LDLRAD4: variants seen among roughly 807,000 people sequenced by gnomAD.
LDLRAD4 encodes low-density lipoprotein receptor class A domain-containing protein 4.
In LDLRAD4, 5 loss-of-function variants were observed where a neutral mutation model predicts 17.0. That is an observed-to-expected ratio of 0.29 (90% CI 0.15 to 0.62). The LOEUF (loss-of-function observed/expected upper bound fraction) is 0.62. Among genes scored for constraint, LDLRAD4 ranks in the 20% least tolerant of loss-of-function variants. LDLRAD4 has a pLI of 0.84. For missense variants in LDLRAD4, 340 were observed against 424.7 expected (o/e 0.80, Z 1.75); for synonymous variants, 168 against 171.8 (o/e 0.98, Z 0.17).
chr18:13,522,311 A>G (rs1397709464), intron 3 of LDLRAD4: 2 of 152,280 alleles, frequency 1.3e-5, no homozygotes, highest in East Asian at 3.9e-4. Flanking sequence ...GGAACATTAT[A>G]CATGATTCTA....
At chr18:13,349,068 T>C (rs761608305) in intron 1 of LDLRAD4, among the ~76,000 whole-genome samples, 1 of 152,194 alleles carries the variant, frequency 6.6e-6, no homozygotes, top group Non-Finnish European at 1.5e-5. Flanking sequence ...CTCGGTGCGC[T>C]GCCCCCACTG....
chr18:13,389,367 A>G (rs1310324012), intron 2 of LDLRAD4, among the ~76,000 whole-genome samples: 1 of 151,916 alleles, frequency 6.6e-6, no homozygotes, highest in Non-Finnish European at 1.5e-5. Flanking sequence ...TCCCTCGTGG[A>G]TACCCCTCCC....
intron 1 of LDLRAD4, among the ~76,000 whole-genome samples, chr18:13,382,013 G>A (rs2085407682): frequency 6.6e-6 from 1 of 152,262 alleles, no homozygotes; most frequent in Non-Finnish European, 1.5e-5. Context: ...ACAGGCCGGG[G>A]CTCGGCCCTG....
At chr18:13,618,306 G>A (rs1404708652) in intron 3 of LDLRAD4, among the ~76,000 whole-genome samples, 1 of 152,240 alleles carries the variant, frequency 6.6e-6, no homozygotes, top group African/African-American at 2.4e-5. Context: ...CCCCCGGGAC[G>A]GAGTGGGGCT....
intron 2 of LDLRAD4, among the ~76,000 whole-genome samples, chr18:13,401,773 G>A (rs58497313): frequency 0.041 from 6,296 of 152,278 alleles, 428 homozygotes; most frequent in African/African-American, 0.14. Flanking sequence ...AGCTGGACCC[G>A]CCTTGGGGAC....
chr18:13,436,194 C>A (rs1386047287), intron 2 of LDLRAD4, among the ~76,000 whole-genome samples: 1 of 152,170 alleles, frequency 6.6e-6, no homozygotes, highest in East Asian at 1.9e-4. Flanking sequence ...TAAAATAGTT[C>A]ATGTCATAAG....
intron 1 of LDLRAD4, among the ~76,000 whole-genome samples, chr18:13,262,641 C>T (rs78439381): frequency 1.7e-4 from 5 of 30,006 alleles, no homozygotes; most frequent in Admixed American, 4.1e-4. Context: ...CGTGCGGCTC[C>T]GTGCGTTGGG....
At chr18:13,531,881 G>A (rs1297228737) in intron 3 of LDLRAD4, among the ~76,000 whole-genome samples, 1 of 152,178 alleles carries the variant, frequency 6.6e-6, no homozygotes, top group Non-Finnish European at 1.5e-5. Context: ...CGCTGAGGAT[G>A]CAGGGTGGCT....
intron 1 of LDLRAD4, among the ~76,000 whole-genome samples, chr18:13,258,363 C>A (rs979547858): frequency 1.3e-5 from 2 of 151,530 alleles, no homozygotes; most frequent in Non-Finnish European, 2.9e-5. Flanking sequence ...TCTACGAAAT[C>A]CTTTTTTTTT....
intron 3 of LDLRAD4, among the ~76,000 whole-genome samples, chr18:13,495,242 C>T (rs1446820660): frequency 1.3e-5 from 2 of 152,204 alleles, no homozygotes; most frequent in Non-Finnish European, 2.9e-5. Context: ...TGGCCTCGCT[C>T]CCTGCGTGGG....
At chr18:13,505,045 A>C (rs2093669221) in intron 3 of LDLRAD4, among the ~76,000 whole-genome samples, 1 of 152,186 alleles carries the variant, frequency 6.6e-6, no homozygotes, top group Non-Finnish European at 1.5e-5. Flanking sequence ...CATTGTCCCC[A>C]CACCAGACGA....
intron 3 of LDLRAD4, among the ~76,000 whole-genome samples, chr18:13,574,315 G>A (rs940701572): frequency 1.3e-5 from 2 of 152,162 alleles, no homozygotes; most frequent in African/African-American, 4.8e-5. Context: ...AGCCGGCCAT[G>A]GCAGCACTCT....
chr18:13,226,450 A>G (rs1392061889), intron 1 of LDLRAD4, among the ~76,000 whole-genome samples: 1 of 151,942 alleles, frequency 6.6e-6, no homozygotes, highest in East Asian at 1.9e-4. Context: ...TTAGATTCCC[A>G]CAGAGAAGAG....
At chr18:13,551,421 CAG>C (rs1404967137) in intron 3 of LDLRAD4, among the ~76,000 whole-genome samples, 6 of 152,206 alleles carry the variant, frequency 3.9e-5, no homozygotes, top group African/African-American at 1.4e-4. Context: ...CTTGTTGACA[CAG>C]AGCAAAGAGT....
intron 2 of LDLRAD4, among the ~76,000 whole-genome samples, chr18:13,422,647 A>G (rs1358961846): frequency 1.3e-5 from 2 of 152,076 alleles, no homozygotes; most frequent in African/African-American, 2.4e-5. Context: ...GCAGTGAGCC[A>G]CGATCACATC....
intron 3 of LDLRAD4, among the ~76,000 whole-genome samples, chr18:13,558,061 G>A (rs917225239): frequency 3.9e-5 from 6 of 152,192 alleles, no homozygotes; most frequent in African/African-American, 1.4e-4. Context: ...GGCGCTCTGG[G>A]AAACTGCCTA....
At chr18:13,552,328 G>A (rs1281272711) in intron 3 of LDLRAD4, among the ~76,000 whole-genome samples, 4 of 152,208 alleles carry the variant, frequency 2.6e-5, no homozygotes, top group South Asian at 2.1e-4. Flanking sequence ...TGATGTCATC[G>A]AATCCCAGGG....
chr18:13,611,912 G>T (rs371304357), intron 3 of LDLRAD4: 1 of 985,442 alleles, frequency 1.0e-6, no homozygotes, highest in East Asian at 1.1e-4. Flanking sequence ...TGTGGAGAGG[G>T]AGCACCAGAA....
intron 4 of LDLRAD4, among the ~76,000 whole-genome samples, chr18:13,640,071 G>A (rs2148959049): frequency 6.6e-6 from 1 of 152,268 alleles, no homozygotes; most frequent in Middle Eastern, 3.4e-3. Context: ...TGAATCACAA[G>A]GTCAGGAGAT....
Sources: gnomAD v4.1 joint callset for allele counts (sites outside exome capture counted in the v4.1 genomes callset) on GRCh38, gnomAD v4.1.1 for gene constraint, MANE v1.5 for transcripts, NCBI Gene and HGNC (gene_info 2026-07-23, HGNC 2026-07-21) for gene names.